The following PIR variants were observed in gnomAD, a reference collection of about 807,000 sequenced individuals.
PIR encodes pirin.
A neutral mutation model predicts 24.2 loss-of-function variants in PIR; 22 were observed. The ratio of observed to expected loss-of-function variants is 0.91; its 90% CI spans 0.65 to 1.30. The LOEUF (loss-of-function observed/expected upper bound fraction) is 1.30. Among genes scored for constraint, PIR ranks in the 50% most tolerant of loss-of-function variants. The probability of loss-of-function intolerance (pLI) is 0.00; values close to 1 mark genes in which losing one functional copy is unlikely to be tolerated. For missense variants in PIR, 220 were observed against 220.3 expected, an observed-to-expected ratio of 1.00 and a Z score of 0.01; for synonymous variants, 80 against 79.6, an observed-to-expected ratio of 1.00 and a Z score of -0.03.
chrX:15,438,944 T>A (rs976847830), intron 5 of PIR, among the ~76,000 whole-genome samples: 6 of 111,605 alleles, frequency 5.4e-5, no homozygotes, highest in Admixed American at 9.5e-5. Flanking sequence ...TAGCTCCCCA[T>A]GGGCAAACTT....
At chrX:15,394,166 A>G (rs1481907245) in intron 8 of PIR, among the ~76,000 whole-genome samples, 1 of 111,352 alleles carries the variant, frequency 9.0e-6, no homozygotes, top group Non-Finnish European at 1.9e-5. Flanking sequence ...GTGCTTTAGC[A>G]TGACTTATTG....
At chrX:15,482,122 T>C (rs1256354643) in intron 2 of PIR, among the ~76,000 whole-genome samples, 4 of 112,304 alleles carry the variant, frequency 3.6e-5, no homozygotes, top group African/African-American at 1.3e-4. Context: ...TACCTAAAAA[T>C]GGATGCGGGT....
At chrX:15,463,842 C>T (rs1037256723) in intron 3 of PIR, among the ~76,000 whole-genome samples, 1 of 112,130 alleles carries the variant, frequency 8.9e-6, no homozygotes, top group African/African-American at 3.2e-5. Flanking sequence ...ACAGTAATCC[C>T]CCACTACATA....
intron 8 of PIR, among the ~76,000 whole-genome samples, chrX:15,393,702 T>C (rs918770919): frequency 9.1e-6 from 1 of 109,301 alleles, no homozygotes; most frequent in Admixed American, 1.0e-4. Context: ...CTTATGAGAA[T>C]CTAATGCCTA....
chrX:15,407,509 T>C lies in PIR; in HGVS notation c.607A>G (p.Ile203Val), dbSNP rs1924585147. The part of the protein sequence containing the change: ...FIYTISGDVY[I>V]GPDDAQQKIE... ...AAGTGACACAGCCATAACTTACCAA[T>C]ATACACATCTCCAGATATCGTGTAA... is the stretch of plus-strand genomic sequence containing the variant. Residue 203 changes from isoleucine to valine, a missense_variant, in exon 7 of 10, where the codon ATT becomes GTT. By Grantham distance (29) the Ile-to-Val change is conservative (BLOSUM62 3). Transcript: ENST00000380420. The C allele has an allele frequency of 1.7e-6, 2 of 1,195,335 alleles. No homozygotes were observed. Among genetic ancestry groups the C allele is most frequent in the African/African-American group, 1.8e-5 (1 of 56,910 alleles).
At chrX:15,442,740 A>G (rs952738807) in intron 5 of PIR, among the ~76,000 whole-genome samples, 9 of 112,512 alleles carry the variant, frequency 8.0e-5, no homozygotes, top group Admixed American at 7.5e-4. Flanking sequence ...GCCAAAGTCC[A>G]ATCCAGAGCA....
At chrX:15,479,283 C>T (rs1239836347) in intron 3 of PIR, among the ~76,000 whole-genome samples, 1 of 109,851 alleles carries the variant, frequency 9.1e-6, no homozygotes, top group African/African-American at 3.3e-5. Context: ...TATAATATTA[C>T]AGGAGGTTAC....
chrX:15,482,971 T>C (rs1452415839), intron 2 of PIR, among the ~76,000 whole-genome samples: 1 of 110,580 alleles, frequency 9.0e-6, no homozygotes, highest in Non-Finnish European at 1.9e-5. Flanking sequence ...TTTCTTATTG[T>C]TTTATACTCT....
intron 6 of PIR, among the ~76,000 whole-genome samples, chrX:15,419,407 G>A (rs1450601444): frequency 9.8e-6 from 1 of 102,118 alleles, no homozygotes; most frequent in Non-Finnish European, 1.9e-5. Flanking sequence ...GAGAGAGATA[G>A]GGGAGGGAGA....
chrX:15,422,623 A>C lies in PIR; in HGVS notation c.565+3283T>G, dbSNP rs916736857. Among the ~76,000 whole-genome samples the C allele has an allele frequency of 2.7e-5, 3 of 111,744 alleles. 1 individual carries two copies. The highest frequency in any genetic ancestry group is 5.6e-5 in the Non-Finnish European group (3 of 53,157). ...AATACCTGGGAATCAACTTAACCAA[A>C]GAATTGAAAAATCTATACAAGGAAA... On this transcript the variant is annotated intron_variant, in intron 6 of 9. Coordinates refer to ENST00000380420, the MANE Select transcript of PIR (RefSeq NM_001018109.3).
intron 3 of PIR, among the ~76,000 whole-genome samples, chrX:15,468,868 G>T (rs1921737422): frequency 8.9e-6 from 1 of 112,509 alleles, no homozygotes; most frequent in Non-Finnish European, 1.9e-5. Flanking sequence ...AGCTTCTCCT[G>T]CCATTAACAT....
intron 3 of PIR, among the ~76,000 whole-genome samples, chrX:15,474,717 C>G (rs1264451805): frequency 1.8e-5 from 2 of 111,696 alleles, no homozygotes; most frequent in Non-Finnish European, 3.8e-5. Flanking sequence ...AAATCCTGAG[C>G]CTTCCTCCCT....
At chrX:15,464,515 A>C (rs1037224186) in intron 3 of PIR, 1 of 517,038 alleles carries the variant, frequency 1.9e-6, no homozygotes, top group Non-Finnish European at 2.4e-6. Flanking sequence ...GCAGTGAGAC[A>C]CAAGGAGAAA....
At chrX:15,428,657 GTCTC>G (rs1259594883) in intron 5 of PIR, among the ~76,000 whole-genome samples, 1 of 110,137 alleles carries the variant, frequency 9.1e-6, no homozygotes, top group Non-Finnish European at 1.9e-5. Flanking sequence ...CTTTCTCTCT[GTCTC>G]TCTCTCTCTT....
At chrX:15,426,132 G>C (rs1471940715) in intron 5 of PIR, 142 bp from the exon 6 acceptor site, 1 of 418,584 alleles carries the variant, frequency 2.4e-6, no homozygotes, top group African/African-American at 2.5e-5. Flanking sequence ...GCCGAGGTGG[G>C]CTGCTAAAAC....
rs757045955 is a variant in PIR at position 15,459,688 on chromosome X, T to G, written c.242A>C (p.His81Pro). The G allele has an allele frequency of 2.5e-6, 3 of 1,194,921 alleles. No individual in the cohort carries two copies. Among genetic ancestry groups the G allele is most frequent in the Non-Finnish European group, 3.4e-6 (3 of 881,829 alleles). Residue 81 changes from histidine to proline, a missense_variant, in exon 4 of 10, where the codon CAC becomes CCC. His to Pro is a moderately conservative substitution (Grantham distance 77). Coordinates refer to ENST00000380420, the MANE Select transcript of PIR (RefSeq NM_001018109.3). ...ATCTCCTGGGTTCATTTTACCAGTG[T>G]GTCCACAGAAGTCTTCATGGGCCAT... Reference protein sequence around the residue: ...GSMAHEDFCGHTGKMNPGDLQ... With the variant: ...GSMAHEDFCGPTGKMNPGDLQ...
chrX:15,403,910 A>G (rs1018778638), intron 7 of PIR, among the ~76,000 whole-genome samples: 14 of 111,523 alleles, frequency 1.3e-4, no homozygotes, highest in African/African-American at 4.2e-4. Context: ...TCATTAGAGG[A>G]CAATTACATA....
chrX:15,397,163 G>C (rs1173271958), intron 8 of PIR, among the ~76,000 whole-genome samples: 1 of 112,340 alleles, frequency 8.9e-6, no homozygotes, highest in Non-Finnish European at 1.9e-5. Flanking sequence ...TATAAAGAAA[G>C]AAAATTAAGA....
intron 6 of PIR, among the ~76,000 whole-genome samples, chrX:15,415,777 A>T (rs1029980645): frequency 9.9e-5 from 11 of 111,570 alleles, no homozygotes; most frequent in African/African-American, 2.9e-4. Flanking sequence ...AAAAACAATT[A>T]AAAAAACCAT....
Sources: allele counts gnomAD v4.1 joint callset (sites outside exome capture counted in the v4.1 genomes callset), GRCh38; gene constraint gnomAD v4.1.1; transcripts MANE v1.5; gene names NCBI Gene and HGNC (gene_info 2026-07-23, HGNC 2026-07-21).